FANK1: variants seen among roughly 807,000 people sequenced by gnomAD.
FANK1 encodes the protein fibronectin type 3 and ankyrin repeat domains protein 1.
In FANK1, 44 loss-of-function variants were observed where a neutral mutation model predicts 45.3. The observed-to-expected ratio is 0.97, with a 90% confidence interval of 0.76 to 1.25. The LOEUF (loss-of-function observed/expected upper bound fraction) is 1.25, where lower values mean the gene tolerates loss of function less well. FANK1 is among the 50% of genes most tolerant of loss of function. The pLI is 0.00. For synonymous variants in FANK1, 149 were observed against 152.5 expected, an observed-to-expected ratio of 0.98 and a Z score of 0.17; for missense variants, 391 against 424.4, an observed-to-expected ratio of 0.92 and a Z score of 0.69.
chr10:125,938,016 T>C (rs185706677), intron 1 of FANK1, among the ~76,000 whole-genome samples: 1 of 152,256 alleles, frequency 6.6e-6, no homozygotes, highest in East Asian at 1.9e-4. Flanking sequence ...CACACAGATA[T>C]TCATTGAACT....
chr10:125,947,511 CAAAG>C (rs879874081), intron 1 of FANK1, among the ~76,000 whole-genome samples: 2,233 of 150,360 alleles, frequency 0.015, 53 homozygotes, highest in African/African-American at 0.049. Flanking sequence ...TCAAAAGAGA[CAAAG>C]AAGGCCATTA....
chr10:125,997,434 T>C lies in FANK1; in HGVS notation c.488T>C (p.Leu163Pro). 6.2e-7 allele frequency: 1 copy of C among 1,613,988 alleles called. No homozygotes were observed. Among genetic ancestry groups the C allele is most frequent in the Non-Finnish European group, 8.5e-7 (1 of 1,179,942 alleles). Residue 163 changes from leucine (L) to proline (P), a missense_variant, in exon 6 of 11, where the codon CTA becomes CCA. Transcript: ENST00000368693. ...QKGYTRLVKILVSNGTDVNLK... is the reference protein window; with the variant it reads ...QKGYTRLVKIPVSNGTDVNLK... ...GTTTCCTTTAGGCTTGTGAAAATCCTAGTTTCTAATGGCACAGACGTGAAT... is the reference window on the plus strand; with the variant it reads ...GTTTCCTTTAGGCTTGTGAAAATCCCAGTTTCTAATGGCACAGACGTGAAT...
At chr10:125,978,813 G>T (rs1449236471) in intron 1 of FANK1, among the ~76,000 whole-genome samples, 1 of 152,198 alleles carries the variant, frequency 6.6e-6, no homozygotes, top group African/African-American at 2.4e-5. Context: ...ATCTCGTGAG[G>T]TGCAGTGGAA....
intron 1 of FANK1, among the ~76,000 whole-genome samples, chr10:125,946,009 A>T (rs1287269355): frequency 6.6e-6 from 1 of 152,182 alleles, no homozygotes; most frequent in Non-Finnish European, 1.5e-5. Context: ...CTGACACCTC[A>T]CACGGCAGGG....
chr10:125,991,326 A>G (rs1250315613), intron 3 of FANK1, among the ~76,000 whole-genome samples: 1 of 150,642 alleles, frequency 6.6e-6, no homozygotes, highest in East Asian at 2.0e-4. Flanking sequence ...AGATAGCATC[A>G]CTGCCTGCAG....
At chr10:125,918,875 T>C (rs1383697062) in intron 1 of FANK1, among the ~76,000 whole-genome samples, 1 of 151,906 alleles carries the variant, frequency 6.6e-6, no homozygotes, top group Non-Finnish European at 1.5e-5. Flanking sequence ...CAGAAATAAC[T>C]AAAATAATTG....
intron 1 of FANK1, among the ~76,000 whole-genome samples, chr10:125,920,453 T>C (rs1455047604): frequency 6.6e-6 from 1 of 152,350 alleles, no homozygotes; most frequent in Non-Finnish European, 1.5e-5. Context: ...TTTTTTTCTT[T>C]GCTGTAAATG....
chr10:125,998,842 A>T (rs544640622), intron 6 of FANK1, among the ~76,000 whole-genome samples: 2 of 152,366 alleles, frequency 1.3e-5, no homozygotes, highest in African/African-American at 4.8e-5. Context: ...TCATTTAAAA[A>T]TTACCTCCAA....
intron 1 of FANK1, among the ~76,000 whole-genome samples, chr10:125,934,575 C>T (rs12357768): frequency 5.9e-5 from 9 of 151,574 alleles, no homozygotes; most frequent in Admixed American, 2.6e-4. Context: ...CAAACCAAGT[C>T]GAAGAGACAG....
intron 2 of FANK1, among the ~76,000 whole-genome samples, chr10:125,981,937 A>G (rs1951247962): frequency 6.6e-6 from 1 of 152,226 alleles, no homozygotes; most frequent in African/African-American, 2.4e-5. Flanking sequence ...TGTATATGAA[A>G]GCTCCAATTT....
chr10:125,923,121 AT>A (rs1483441948), intron 1 of FANK1, among the ~76,000 whole-genome samples: 1 of 150,738 alleles, frequency 6.6e-6, no homozygotes, highest in Non-Finnish European at 1.5e-5. Flanking sequence ...TCTATGTAAG[AT>A]TTTTTTCTAC....
intron 5 of FANK1, 30 bp from the exon 6 acceptor site, chr10:125,997,390 T>C (rs776404787): frequency 5.0e-6 from 8 of 1,603,130 alleles, no homozygotes; most frequent in East Asian, 4.5e-5. Flanking sequence ...AGGTGACTTA[T>C]CTAGCTACAC....
At chr10:125,949,108 G>T (rs1949021401) in intron 1 of FANK1, among the ~76,000 whole-genome samples, 1 of 151,898 alleles carries the variant, frequency 6.6e-6, no homozygotes, top group African/African-American at 2.4e-5. Flanking sequence ...AGGTATTGAT[G>T]GGATGTATTT....
intron 1 of FANK1, among the ~76,000 whole-genome samples, chr10:125,910,515 A>G (rs536548507): frequency 6.6e-6 from 1 of 152,340 alleles, no homozygotes; most frequent in East Asian, 1.9e-4. Flanking sequence ...AACCTTGTAT[A>G]TAGAAGCAAA....
chr10:125,946,572 T>G (rs1246501625), intron 1 of FANK1, among the ~76,000 whole-genome samples: 39 of 150,654 alleles, frequency 2.6e-4, no homozygotes, highest in African/African-American at 2.7e-4. Flanking sequence ...AGAATAAAAA[T>G]AAATGAGCAA....
intron 1 of FANK1, among the ~76,000 whole-genome samples, chr10:125,968,423 C>A (rs1319709177): frequency 6.6e-6 from 1 of 152,216 alleles, no homozygotes; most frequent in African/African-American, 2.4e-5. Context: ...GCAGATGCCC[C>A]TTGCCAGTGA....
At chr10:125,935,216 A>G (rs1948020568) in intron 1 of FANK1, among the ~76,000 whole-genome samples, 1 of 152,130 alleles carries the variant, frequency 6.6e-6, no homozygotes, top group South Asian at 2.1e-4. Flanking sequence ...TCTTCGTGGC[A>G]TCGACAGCAG....
At chr10:125,920,373 A>T (rs1946858406) in intron 1 of FANK1, among the ~76,000 whole-genome samples, 1 of 152,228 alleles carries the variant, frequency 6.6e-6, no homozygotes, top group Non-Finnish European at 1.5e-5. Context: ...AGTCTTTCAT[A>T]AGGTGGCTAA....
intron 1 of FANK1, among the ~76,000 whole-genome samples, chr10:125,905,151 CAAAA>C (rs921443438): frequency 9.2e-4 from 85 of 92,530 alleles, no homozygotes; most frequent in African/African-American, 3.1e-3. Flanking sequence ...AAAAAAAAAA[CAAAA>C]AAAACGTTTC....
Sources: allele counts gnomAD v4.1 joint callset (sites outside exome capture counted in the v4.1 genomes callset), GRCh38; gene constraint gnomAD v4.1.1; transcripts MANE v1.5; gene names NCBI Gene and HGNC (gene_info 2026-07-23, HGNC 2026-07-21).